Variants in CACTIN observed in about 807,000 individuals in gnomAD.
CACTIN encodes the protein cactin, spliceosome C complex subunit.
In CACTIN, 20 loss-of-function variants were observed where a neutral mutation model predicts 84.9. The observed-to-expected ratio is 0.24, with a 90% CI of 0.17 to 0.34. The LOEUF is 0.34. CACTIN is among the 10% of genes least tolerant of loss of function. CACTIN has a pLI of 1.00. For missense variants in CACTIN, 897 were observed against 1,117.2 expected (o/e 0.80, Z 2.81); for synonymous variants, 549 against 467.9 (o/e 1.17, Z -2.24).
In CACTIN at chr19:3,614,608, A is replaced by G. The variant is rs781213887; in HGVS notation, c.1163-19T>C. 5.1e-6 allele frequency: 8 copies of G among 1,579,186 alleles called. No individual in the cohort carries two copies. The East Asian group carries it at 1.4e-4, about 27-fold the overall frequency. On this transcript the variant is annotated intron_variant, in intron 6 of 9. Transcript: ENST00000429344. Reference sequence around the variant, plus strand: ...CGCTCACCTGCAGCGGGGTGGGGGCATGGGGGGGCGGTTCCACATTTCCTA... The same window carrying G: ...CGCTCACCTGCAGCGGGGTGGGGGCGTGGGGGGGCGGTTCCACATTTCCTA...
rs1408970591 is a variant in CACTIN at position 3,615,976 on chromosome 19, G to C, written c.1163-1387C>G. The C allele has an allele frequency of 6.6e-6, 1 of 152,044 alleles. No homozygotes were observed. Among genetic ancestry groups the C allele is most frequent in the East Asian group, 1.9e-4 (1 of 5,162 alleles). The allele number at this position is 152,044 out of a possible 1,614,324, so 9.4% of individuals were successfully genotyped here. ...CACGAACACTGAAACCCAAGCAGAA[G>C]AGCCCAGCCGCGAGGCTCCCAGGAA... On this transcript the variant is annotated intron_variant, in intron 6 of 9. Coordinates refer to ENST00000429344, the MANE Select transcript of CACTIN (RefSeq NM_001080543.2). This position sits in a 1 kb window ranked among gnomAD's most constrained non-coding sequence, Gnocchi z 5.2.
intron 9 of CACTIN, chr19:3,612,642 A>T (rs1405650711): frequency 1.4e-6 from 1 of 725,000 alleles, no homozygotes; most frequent in Non-Finnish European, 2.4e-6. Flanking sequence ...CTGGGTGGGG[A>T]CCAAGCGCAG....
In CACTIN at chr19:3,620,259, C is replaced by T. The variant is rs1445819118; in HGVS notation, c.752G>A (p.Arg251Gln). 1.9e-6 allele frequency: 3 copies of T among 1,573,780 alleles called. No homozygotes were observed. The highest frequency in any genetic ancestry group is 2.3e-5 in the East Asian group (1 of 43,160). Reference sequence around the variant, plus strand: ...GGCCTTCTCCCGCTCCCGCTCCAGCCGCAGCTGCTTCACCTGCAGGCACAG... The same window carrying T: ...GGCCTTCTCCCGCTCCCGCTCCAGCTGCAGCTGCTTCACCTGCAGGCACAG... ...RLELQKVKQL[R>Q]LEREREKAMR... is the part of the protein sequence containing the mutation. Residue 251 changes from arginine (R) to glutamine (Q), a missense_variant, in exon 4 of 10, where the codon CGG (arginine) becomes CAG (glutamine). This residue lies in a region of CACTIN where 304 missense variants were observed against 444.3 expected (regional missense o/e 0.68). Transcript: ENST00000429344.
In CACTIN at chr19:3,614,506, C is replaced by T. The variant is rs1240108902; in HGVS notation, c.1246G>A (p.Val416Ile). 1.2e-6 allele frequency: 2 copies of T among 1,607,032 alleles called. No individual in the cohort carries two copies. The highest frequency in any genetic ancestry group is 1.1e-5 in the South Asian group (1 of 89,658). The part of the protein sequence containing the change: ...FKGKTYNQLQ[V>I]IFQGIEGKIR... ...TTGCCCTCGATGCCCTGGAAGATGA[C>T]CTGCAGCTGGTTGTATGTCTTCCCC... Residue 416 changes from valine (V) to isoleucine (I), a missense_variant, in exon 7 of 10, where the codon GTC becomes ATC. Physicochemically the swap from Val to Ile is conservative, Grantham distance 29 (BLOSUM62 3). Around this residue, in one of 8 missense-constraint regions of CACTIN, gnomAD observed 304 missense variants for 444.3 expected, o/e 0.68. Transcript: ENST00000429344.
At position 3,626,733 on chromosome 19, in the gene CACTIN, C is replaced by T; in HGVS notation, c.30G>A (p.Arg10=). 1 of 1,491,914 alleles carries T rather than the reference C, an allele frequency of 6.7e-7. No homozygotes were observed. Among genetic ancestry groups the T allele is most frequent in the Non-Finnish European group, 8.9e-7 (1 of 1,127,334 alleles). The allele number at this position is 1,491,914 out of a possible 1,614,324, so 92.4% of individuals were successfully genotyped here. Residue 10 remains arginine, a synonymous_variant, in exon 1 of 10, where the codon CGG becomes CGA. Coordinates refer to ENST00000429344, the MANE Select transcript of CACTIN (RefSeq NM_001080543.2). ...GCCTTCGGCCCCGGCGACCCGCGGA[C>T]CGCGAGCGCGAGCGTGTGTCCCGAC... MGRDTRSRS[R]SAGRRGRRRQ...
intron 2 of CACTIN, among the ~76,000 whole-genome samples, chr19:3,623,221 CG>C (rs1670656589): frequency 6.6e-6 from 1 of 151,824 alleles, no homozygotes; most frequent in Non-Finnish European, 1.5e-5. Context: ...GGTGACAGAG[CG>C]AGACCCTGAG....
Position 3,618,864 on chromosome 19 carries a change from CCCG to C in CACTIN, c.1162+8_1162+10del, listed in dbSNP as rs1455913671. On this transcript the variant is annotated splice_region_variant and intron_variant, in intron 6 of 9. Coordinates refer to ENST00000429344, the MANE Select transcript of CACTIN (RefSeq NM_001080543.2). The stretch of plus-strand genomic sequence containing the variant: ...AGCTCCCCTGGAGCCCAGGCCCATG[CCCG>C]CCGTTACCTGGCCCCTTGCCCGAGG... 7.1e-6 allele frequency: 11 copies of C among 1,543,898 alleles called. No individual in the cohort carries two copies. The highest frequency in any genetic ancestry group is 1.4e-5 in the African/African-American group (1 of 72,962).
At chr19:3,616,972 T>G (rs2033117895) in intron 6 of CACTIN, among the ~76,000 whole-genome samples, 1 of 151,384 alleles carries the variant, frequency 6.6e-6, no homozygotes, top group African/African-American at 2.4e-5. Flanking sequence ...AATACAAAAA[T>G]TAGCTGGGCG....
chr19:3,621,641 C>T (rs1236963658), intron 2 of CACTIN, among the ~76,000 whole-genome samples: 1 of 152,206 alleles, frequency 6.6e-6, no homozygotes, highest in African/African-American at 2.4e-5. Flanking sequence ...CACGGTGGTG[C>T]CCAGCACACC....
Position 3,613,197 on chromosome 19 carries a change from C to T in CACTIN, c.1647G>A (p.Gln549=). The change falls in exon 9 of 10, where the codon CAG becomes CAA. Residue 549 remains glutamine (Q), a synonymous_variant. Coordinates refer to ENST00000429344, the MANE Select transcript of CACTIN (RefSeq NM_001080543.2). ...AVLMEEDLIQ[Q]SLDDYDAGRY... is the part of the protein sequence containing the mutation. ...TGCCGGCGTCGTAGTCGTCCAGGCT[C>T]TGCTGGATCAGGTCCTCCTCCATGA... The T allele has an allele frequency of 6.2e-7, 1 of 1,611,562 alleles. No homozygotes were observed.
intron 2 of CACTIN, among the ~76,000 whole-genome samples, chr19:3,622,747 T>C (rs2033249994): frequency 6.6e-6 from 1 of 152,246 alleles, no homozygotes; most frequent in Admixed American, 6.5e-5. Flanking sequence ...CTTATGCCAC[T>C]GGTGTGACTG....
intron 2 of CACTIN, among the ~76,000 whole-genome samples, chr19:3,622,381 A>G (rs1254764212): frequency 1.3e-5 from 2 of 151,592 alleles, no homozygotes; most frequent in Non-Finnish European, 2.9e-5. Flanking sequence ...AAAAAAAAAA[A>G]AAAGTGATGA....
At chr19:3,626,023 C>T (rs981410611) in intron 1 of CACTIN, among the ~76,000 whole-genome samples, 10 of 152,206 alleles carry the variant, frequency 6.6e-5, no homozygotes, top group Admixed American at 2.0e-4. Context: ...AGCCCACCTC[C>T]ATTAGCAAAT....
rs1282285608 is a variant in CACTIN, at chr19:3,618,870, G to A, written c.1162+5C>T. ...CCTGGAGCCCAGGCCCATGCCCGCC[G>A]TTACCTGGCCCCTTGCCCGAGGCCT... On this transcript the variant is annotated splice_donor_5th_base_variant and intron_variant, in intron 6 of 9. Transcript: ENST00000429344. The A allele has an allele frequency of 1.2e-5, 18 of 1,548,760 alleles. No individual in the cohort carries two copies. The highest frequency in any genetic ancestry group is 4.9e-5 in the East Asian group (2 of 40,968).
At chr19:3,618,816 T>G in intron 6 of CACTIN, 59 bp downstream of exon 6, 1 of 1,334,560 alleles carries the variant, frequency 7.5e-7, no homozygotes, top group East Asian at 2.5e-5. Context: ...CTGAGGCTTC[T>G]GGGTGAACAC....
intron 1 of CACTIN, among the ~76,000 whole-genome samples, chr19:3,625,771 G>C (rs965175274): frequency 6.6e-6 from 1 of 152,198 alleles, no homozygotes; most frequent in Non-Finnish European, 1.5e-5. Flanking sequence ...AGTGAACTTG[G>C]CCCAGAGCGG....
intron 9 of CACTIN, 79 bp downstream of exon 9, chr19:3,612,979 C>A: frequency 2.0e-6 from 3 of 1,486,364 alleles, no homozygotes; most frequent in Non-Finnish European, 1.8e-6. Context: ...GCGGCTTCGG[C>A]CGGGAAATGA....
Position 3,626,650 on chromosome 19 carries a change from C to A in CACTIN, c.113G>T (p.Arg38Leu). Reference protein sequence around the residue: ...RSRSHGRRNRRRREDEGRRRR... With the variant: ...RSRSHGRRNRLRREDEGRRRR... Reference sequence around the variant, plus strand: ...GCGCCGTCCCTCGTCCTCCCGGCGCCGTCGGTTTCGCCGCCCATGGCTCCT... The same window carrying A: ...GCGCCGTCCCTCGTCCTCCCGGCGCAGTCGGTTTCGCCGCCCATGGCTCCT... Residue 38 changes from arginine to leucine, a missense_variant, in exon 1 of 10, where the codon CGG (arginine) becomes CTG (leucine). Physicochemically the swap from Arg to Leu is moderately radical, Grantham distance 102 (BLOSUM62 -2). Around this residue, in one of 8 missense-constraint regions of CACTIN, gnomAD observed 261 missense variants for 243.8 expected, o/e 1.07. Coordinates refer to ENST00000429344, the MANE Select transcript of CACTIN (RefSeq NM_001080543.2). 1.3e-6 allele frequency: 2 copies of A among 1,534,324 alleles called. No individual in the cohort carries two copies.
At position 3,624,129 on chromosome 19, in the gene CACTIN, T is replaced by G; in HGVS notation, c.201A>C (p.Ser67=). The G allele has an allele frequency of 6.3e-7, 1 of 1,578,804 alleles. No homozygotes were observed. The change falls in exon 2 of 10, where the codon TCA becomes TCC. Residue 67 remains serine (S), a synonymous_variant. Transcript: ENST00000429344. ...SDSEEERWQR[S]GMRSRSPPRP... Reference sequence around the variant, plus strand: ...GCGGGGGGCTCCGGCTTCGCATCCCTGAGCGCTGCCACCGCTCTTCCTCTG... The same window carrying G: ...GCGGGGGGCTCCGGCTTCGCATCCCGGAGCGCTGCCACCGCTCTTCCTCTG...
Sources: gnomAD v4.1 joint callset for allele counts (sites outside exome capture counted in the v4.1 genomes callset) on GRCh38, gnomAD v4.1.1 for gene constraint, gnomAD v4.1.1 regional missense constraint, Gnocchi (gnomAD v3.1) non-coding constraint, MANE v1.5 for transcripts, NCBI Gene and HGNC (gene_info 2026-07-23, HGNC 2026-07-21) for gene names.